Variants in TRPM4 observed in about 807,000 individuals in gnomAD.
TRPM4 encodes the protein transient receptor potential cation channel subfamily M member 4.
Under a neutral mutation model 135.6 loss-of-function variants are expected in TRPM4, and 124 were observed. The observed-to-expected ratio is 0.91, with a 90% CI of 0.79 to 1.06. The LOEUF is 1.06. Among genes scored for constraint, TRPM4 ranks in the 50% least tolerant of loss-of-function variants. The pLI is 0.00. For synonymous variants in TRPM4, 745 were observed against 705.6 expected (o/e 1.06, Z -0.88); for missense variants, 1,658 against 1,671.4 (o/e 0.99, Z 0.14).
Position 49,210,930 on chromosome 19 carries a change from G to T in TRPM4, c.3462-85G>T. On this transcript the variant is annotated intron_variant, in intron 22 of 24. Transcript: ENST00000252826. The surrounding 1 kb of genome is among the most constrained non-coding windows in gnomAD (Gnocchi z 4.1). ...AAGGCAGGGTCCTGGGAGGGAGGGA[G>T]AGAGGGAGGAGGCCCGGGAAGCAGG... The T allele has an allele frequency of 1.3e-6, 2 of 1,551,058 alleles. No homozygotes were observed. The highest frequency in any genetic ancestry group is 1.1e-5 in the South Asian group (1 of 87,230).
chr19:49,205,451 G>A (rs1248408318), intron 20 of TRPM4, among the ~76,000 whole-genome samples: 4 of 149,128 alleles, frequency 2.7e-5, no homozygotes, highest in South Asian at 2.1e-4. Context: ...CTCTATTTCC[G>A]AATAAAGCCA....
intron 13 of TRPM4, 40 bp from the exon 14 acceptor site, chr19:49,188,906 C>T: frequency 6.2e-7 from 1 of 1,613,890 alleles, no homozygotes. Context: ...TCACCCTACT[C>T]CTTCCCATCC....
chr19:49,168,430 C>T lies in TRPM4; in HGVS notation c.612+7C>T, dbSNP rs1967317978. 6.2e-7 allele frequency: 1 copy of T among 1,613,940 alleles called. No individual in the cohort carries two copies. On this transcript the variant is annotated splice_region_variant and intron_variant, in intron 5 of 24. Transcript: ENST00000252826. ...CACCCTCATCAACCCCAAGGTGTGA[C>T]CCAGGGACTTGGAAAAGGGGGCTGG... is the stretch of plus-strand genomic sequence containing the variant.
rs780779987 is a variant in TRPM4 at position 49,200,712 on chromosome 19, A to G, written c.2880A>G (p.Pro960=). The part of the protein sequence containing the change: ...GLLRPRDSDF[P]SILRRVFYRP... ...TGAGGCCACGGGACAGTGACTTCCC[A>G]AGTATCCTGCGCCGCGTCTTCTACC... is the stretch of plus-strand genomic sequence containing the variant. The change falls in exon 19 of 25, where the codon CCA becomes CCG. Residue 960 remains proline (P), a synonymous_variant. Transcript: ENST00000252826. 7 of 1,613,932 alleles carry G rather than the reference A, an allele frequency of 4.3e-6. No homozygotes were observed. Among genetic ancestry groups the G allele is most frequent in the African/African-American group, 2.7e-5 (2 of 74,912 alleles).
chr19:49,167,235 C>T (rs1967236840), intron 3 of TRPM4, among the ~76,000 whole-genome samples: 1 of 143,802 alleles, frequency 7.0e-6, no homozygotes. Context: ...CTCTCTGGGT[C>T]TCTGTCCCTC....
chr19:49,183,705 G>A (rs10414251), intron 12 of TRPM4, among the ~76,000 whole-genome samples: 50,110 of 151,374 alleles, frequency 0.33, 8,506 homozygotes, highest in South Asian at 0.4. Flanking sequence ...GCCTGGCCAA[G>A]ATTCTCTCTT....
At chr19:49,183,337 C>A in intron 12 of TRPM4, 125 bp downstream of exon 12, 1 of 1,175,580 alleles carries the variant, frequency 8.5e-7, no homozygotes, top group Non-Finnish European at 1.2e-6. Flanking sequence ...CATCCTCCGT[C>A]GCTGATATAT....
Position 49,190,730 on chromosome 19 carries a change from G to C in TRPM4, c.2167G>C (p.Glu723Gln), listed in dbSNP as rs765749642. 16 of 1,614,054 alleles carry C rather than the reference G, an allele frequency of 9.9e-6. No homozygotes were observed. Among genetic ancestry groups the C allele is most frequent in the Middle Eastern group, 1.6e-4 (1 of 6,084 alleles). ...AGAGGAGCCCACACGGGAGGAGCTA[G>C]AGTTTGACATGGATAGTGTCATTAA... ...SEEEPTREEL[E>Q]FDMDSVINGE... is the part of the protein sequence containing the mutation. The change falls in exon 16 of 25, where the codon GAG (glutamate) becomes CAG (glutamine). Residue 723 changes from glutamate (E) to glutamine (Q), a missense_variant. Glu to Gln is a conservative substitution (Grantham distance 29, BLOSUM62 2). Around this residue, in one of 3 missense-constraint regions of TRPM4, gnomAD observed 1,412 missense variants for 1,408.7 expected, o/e 1.00. Coordinates refer to ENST00000252826, the MANE Select transcript of TRPM4 (RefSeq NM_017636.4).
Position 49,210,150 on chromosome 19 carries a change from C to G in TRPM4, c.3132-59C>G, listed in dbSNP as rs916550295. 6.4e-7 allele frequency: 1 copy of G among 1,554,540 alleles called. No individual in the cohort carries two copies. Among genetic ancestry groups the G allele is most frequent in the African/African-American group, 1.4e-5 (1 of 73,666 alleles). Reference sequence around the variant, plus strand: ...CAATTATTGCCTGGCATCTAACCTTCGTCCTTGCCCCTGGCTGGGCCCTGA... The same window carrying G: ...CAATTATTGCCTGGCATCTAACCTTGGTCCTTGCCCCTGGCTGGGCCCTGA... On this transcript the variant is annotated intron_variant, in intron 20 of 24. Transcript: ENST00000252826. The surrounding 1 kb of genome is among the most constrained non-coding windows in gnomAD (Gnocchi z 4.1).
In TRPM4 at chr19:49,161,739, C is replaced by T. The variant is rs1253191835; in HGVS notation, c.92+3480C>T. 2.6e-5 allele frequency among the ~76,000 whole-genome samples: 4 copies of T among 152,130 alleles called. No homozygotes were observed. The East Asian group carries it at 7.7e-4, about 29-fold the overall frequency. On this transcript the variant is annotated intron_variant, in intron 2 of 24. Coordinates refer to ENST00000252826, the MANE Select transcript of TRPM4 (RefSeq NM_017636.4). The stretch of plus-strand genomic sequence containing the variant: ...CTGCCTCCTGGGTTCAAGCGATTCT[C>T]CTGCCTCAGCCCCCCGAGTAGCTGG...
At position 49,160,498 on chromosome 19, in the gene TRPM4, AAAG is replaced by A. The variant is rs933565976; in HGVS notation, c.92+2242_92+2244del. Among the ~76,000 whole-genome samples the A allele has an allele frequency of 9.3e-5, 14 of 150,754 alleles. 1 individual carries two copies. The highest frequency in any genetic ancestry group is 3.2e-4 in the African/African-American group (13 of 40,596). On this transcript the variant is annotated intron_variant, in intron 2 of 24. Transcript: ENST00000252826. ...GACTCCATCTCAAAAAAAAAAAAAA[AAAG>A]AAAGAAAGAAAGAAAAAAGTGATTT...
intron 17 of TRPM4, among the ~76,000 whole-genome samples, chr19:49,197,734 G>A (rs1300103762): frequency 6.6e-6 from 1 of 151,184 alleles, no homozygotes; most frequent in African/African-American, 2.4e-5. Flanking sequence ...CCAGACTGGA[G>A]TGCAGTGGTA....
intron 16 of TRPM4, among the ~76,000 whole-genome samples, chr19:49,195,065 C>CT (rs142550645): frequency 0.017 from 2,620 of 151,492 alleles, 75 homozygotes; most frequent in African/African-American, 0.054. Flanking sequence ...CCCAGCCTCA[C>CT]TTTTTTTTCT....
intron 9 of TRPM4, among the ~76,000 whole-genome samples, chr19:49,178,078 C>G (rs1319856544): frequency 6.6e-6 from 1 of 152,148 alleles, no homozygotes; most frequent in Non-Finnish European, 1.5e-5. Context: ...TGCCTATTAT[C>G]ACAGCACCTT....
chr19:49,193,104 G>A (rs184319637), intron 16 of TRPM4, among the ~76,000 whole-genome samples: 1 of 134,420 alleles, frequency 7.4e-6, no homozygotes, highest in Admixed American at 7.6e-5. Context: ...TTTTTGAGAT[G>A]GAGTCTTACT....
rs756423415 is a variant in TRPM4, at chr19:49,210,337, T to C, written c.3260T>C (p.Leu1087Pro). ...PPFIVISHLR[L>P]LLRQLCRRPR... ...TTTATCGTCATCTCCCACTTGCGCCTCCTGCTCAGGCAATTGTGCAGGCGA... is the reference window on the plus strand; with the variant it reads ...TTTATCGTCATCTCCCACTTGCGCCCCCTGCTCAGGCAATTGTGCAGGCGA... The change falls in exon 21 of 25, where the codon CTC (leucine) becomes CCC (proline). Residue 1087 changes from leucine to proline, a missense_variant. Physicochemically the swap from Leu to Pro is moderately conservative, Grantham distance 98. Around this residue, in one of 3 missense-constraint regions of TRPM4, gnomAD observed 1,412 missense variants for 1,408.7 expected, o/e 1.00. Transcript: ENST00000252826. The surrounding 1 kb of genome is among the most constrained non-coding windows in gnomAD (Gnocchi z 4.1). 3 of 1,614,162 alleles carry C rather than the reference T, an allele frequency of 1.9e-6. No individual in the cohort carries two copies. The highest frequency in any genetic ancestry group is 2.5e-6 in the Non-Finnish European group (3 of 1,180,032).
intron 16 of TRPM4, 29 bp from the exon 17 acceptor site, chr19:49,196,411 C>T (rs781012964): frequency 6.6e-7 from 1 of 1,514,430 alleles, no homozygotes; most frequent in Non-Finnish European, 8.8e-7. Flanking sequence ...AGAGTGAGGC[C>T]TCCTCCCTTC....
intron 12 of TRPM4, among the ~76,000 whole-genome samples, chr19:49,183,436 G>T (rs143965446): frequency 6.6e-6 from 1 of 151,954 alleles, no homozygotes; most frequent in Non-Finnish European, 1.5e-5. Context: ...TCGCTCTGTC[G>T]CCCAGGCTGC....
rs986555802 is a variant in TRPM4 at position 49,195,589 on chromosome 19, C to A, written c.2211-851C>A. 2.0e-5 allele frequency among the ~76,000 whole-genome samples: 3 copies of A among 151,938 alleles called. No homozygotes were observed. In the South Asian group the frequency reaches 6.2e-4, roughly 32 times the overall value. ...TTCTCCATGTTGGTCAGGCTGGTCT[C>A]GAACTCCCGACCTCAGCTGATCTGC... On this transcript the variant is annotated intron_variant, in intron 16 of 24. Transcript: ENST00000252826.
Sources: gnomAD v4.1 joint callset for allele counts (sites outside exome capture counted in the v4.1 genomes callset) on GRCh38, gnomAD v4.1.1 for gene constraint, gnomAD v4.1.1 regional missense constraint, Gnocchi (gnomAD v3.1) non-coding constraint, MANE v1.5 for transcripts, NCBI Gene and HGNC (gene_info 2026-07-23, HGNC 2026-07-21) for gene names.